MAGI2: variants seen among roughly 807,000 people sequenced by gnomAD.
The protein encoded by MAGI2 is membrane associated guanylate kinase, WW and PDZ domain containing 2.
Under a neutral mutation model 133.3 loss-of-function variants are expected in MAGI2, and 35 were observed. The ratio of observed to expected loss-of-function variants is 0.26; its 90% CI spans 0.20 to 0.35. The LOEUF (loss-of-function observed/expected upper bound fraction) is 0.35, where lower values mean the gene tolerates loss of function less well. Among genes scored for constraint, MAGI2 ranks in the 10% least tolerant of loss-of-function variants. MAGI2 has a pLI of 1.00. For missense variants in MAGI2, 1,636 were observed against 1,863.4 expected (o/e 0.88, Z 2.25); for synonymous variants, 729 against 710.6 (o/e 1.03, Z -0.41).
chr7:78,287,091 G>T (rs1372114490), intron 9 of MAGI2, among the ~76,000 whole-genome samples: 2 of 152,138 alleles, frequency 1.3e-5, no homozygotes, highest in African/African-American at 4.8e-5. Flanking sequence ...CACTATGAGG[G>T]GAGTGGCATA....
At chr7:79,415,553 A>G (rs914463491) in intron 1 of MAGI2, 1 of 152,120 alleles carries the variant, frequency 6.6e-6, no homozygotes, top group East Asian at 1.9e-4. Context: ...TGGGAAGACA[A>G]GGGCTGAGAG....
chr7:78,223,299 C>A (rs999220727), intron 10 of MAGI2, among the ~76,000 whole-genome samples: 2 of 152,036 alleles, frequency 1.3e-5, no homozygotes, highest in Admixed American at 1.3e-4. Flanking sequence ...TTAAAATGCT[C>A]TCCACTTTTA....
intron 10 of MAGI2, among the ~76,000 whole-genome samples, chr7:78,237,976 A>G (rs915207311): frequency 2.0e-5 from 3 of 152,202 alleles, no homozygotes; most frequent in African/African-American, 7.2e-5. Context: ...TCCTGTTGCC[A>G]AATCCAAAGC....
intron 1 of MAGI2, among the ~76,000 whole-genome samples, chr7:79,397,905 G>A (rs537922155): frequency 6.6e-6 from 1 of 152,018 alleles, no homozygotes; most frequent in Non-Finnish European, 1.5e-5. Context: ...TTATCATATA[G>A]TTTCAAATTT....
At chr7:78,968,629 A>G (rs1045498137) in intron 2 of MAGI2, among the ~76,000 whole-genome samples, 3 of 152,052 alleles carry the variant, frequency 2.0e-5, no homozygotes, top group Non-Finnish European at 4.4e-5. Context: ...GTTATATTAC[A>G]TACAGCTTTC....
chr7:78,324,418 A>C (rs1244911286), intron 9 of MAGI2, among the ~76,000 whole-genome samples: 1 of 152,206 alleles, frequency 6.6e-6, no homozygotes, highest in Non-Finnish European at 1.5e-5. Flanking sequence ...ACAGTAGTCA[A>C]GACAGGTTTG....
At chr7:78,560,780 CT>C (rs751761775) in intron 3 of MAGI2, among the ~76,000 whole-genome samples, 3 of 152,126 alleles carry the variant, frequency 2.0e-5, no homozygotes, top group Non-Finnish European at 4.4e-5. Context: ...AATCATCCTG[CT>C]CTTATAAAGC....
intron 3 of MAGI2, among the ~76,000 whole-genome samples, chr7:78,591,075 A>G (rs1204065441): frequency 6.6e-6 from 1 of 152,224 alleles, no homozygotes. Flanking sequence ...AGATTTATCT[A>G]AACTCCAAAG....
At chr7:78,750,491 C>T (rs73365861) in intron 2 of MAGI2, among the ~76,000 whole-genome samples, 4,724 of 152,198 alleles carry the variant, frequency 0.031, 235 homozygotes, top group African/African-American at 0.11. Context: ...GTTGAACTAA[C>T]GAATTGACAG....
intron 1 of MAGI2, among the ~76,000 whole-genome samples, chr7:79,292,726 T>C (rs564068660): frequency 5.4e-5 from 8 of 146,876 alleles, no homozygotes; most frequent in Non-Finnish European, 1.0e-4. Context: ...TCTGGGTCCT[T>C]TATCTTTCTT....
chr7:78,926,866 A>G (rs1799735567), intron 2 of MAGI2, among the ~76,000 whole-genome samples: 1 of 151,616 alleles, frequency 6.6e-6, no homozygotes, highest in Non-Finnish European at 1.5e-5. Context: ...GAACATGAGT[A>G]CCATTCTGAC....
intron 20 of MAGI2, among the ~76,000 whole-genome samples, chr7:78,102,615 C>T (rs560049619): frequency 1.1e-4 from 16 of 152,256 alleles, no homozygotes; most frequent in East Asian, 3.9e-4. Context: ...CTTCTGTCTC[C>T]GGTAGGACTC....
chr7:78,621,066 C>T (rs1025079360), intron 3 of MAGI2, among the ~76,000 whole-genome samples: 1 of 151,992 alleles, frequency 6.6e-6, no homozygotes, highest in African/African-American at 2.4e-5. Context: ...GTAGGTCAGG[C>T]AGGATTCGCT....
At chr7:78,620,051 C>G (rs1807564292) in intron 3 of MAGI2, among the ~76,000 whole-genome samples, 1 of 151,896 alleles carries the variant, frequency 6.6e-6, no homozygotes, top group Non-Finnish European at 1.5e-5. Context: ...AAGGTTATTA[C>G]TTACACAGTA....
intron 21 of MAGI2, among the ~76,000 whole-genome samples, chr7:78,063,405 C>A (rs901136440): frequency 2.0e-5 from 3 of 152,112 alleles, no homozygotes; most frequent in African/African-American, 7.3e-5. Context: ...GCACACCTGG[C>A]TAATTGTTTA....
chr7:78,156,755 C>T (rs1240269681), intron 16 of MAGI2, among the ~76,000 whole-genome samples: 2 of 150,804 alleles, frequency 1.3e-5, no homozygotes, highest in African/African-American at 4.9e-5. Context: ...TGTAATGATG[C>T]TCCTATCAAA....
chr7:78,880,227 T>C (rs73143084), intron 2 of MAGI2, among the ~76,000 whole-genome samples: 9,590 of 152,158 alleles, frequency 0.063, 374 homozygotes, highest in Middle Eastern at 0.11. Flanking sequence ...CAGAGAACAA[T>C]TGTGATATAC....
chr7:79,345,646 G>A (rs1185837393), intron 1 of MAGI2, among the ~76,000 whole-genome samples: 1 of 151,916 alleles, frequency 6.6e-6, no homozygotes, highest in African/African-American at 2.4e-5. Flanking sequence ...CTTGTTTCTT[G>A]GATGTGTTCT....
chr7:78,609,288 T>C (rs1035546238), intron 3 of MAGI2, among the ~76,000 whole-genome samples: 4 of 152,154 alleles, frequency 2.6e-5, no homozygotes, highest in African/African-American at 9.7e-5. Context: ...CCTTGTCAAC[T>C]TGAAGCCATA....
Sources: allele counts gnomAD v4.1 joint callset (sites outside exome capture counted in the v4.1 genomes callset), GRCh38; gene constraint gnomAD v4.1.1; transcripts MANE v1.5; gene names NCBI Gene and HGNC (gene_info 2026-07-23, HGNC 2026-07-21).